Variants in TUT4 observed in about 807,000 individuals in gnomAD.
The protein encoded by TUT4 is terminal uridylyltransferase 4.
A neutral mutation model predicts 192.2 loss-of-function variants in TUT4; 36 were observed. That is an observed-to-expected ratio of 0.19 (90% CI 0.14 to 0.25). The LOEUF (loss-of-function observed/expected upper bound fraction) is 0.25. Ranked by LOEUF, TUT4 falls within the 10% of genes least tolerant of loss-of-function variation. TUT4 has a pLI of 1.00. For missense variants in TUT4, 1,493 were observed against 1,957.2 expected, an observed-to-expected ratio of 0.76 and a Z score of 4.47; for synonymous variants, 618 against 666.0, an observed-to-expected ratio of 0.93 and a Z score of 1.11.
intron 28 of TUT4, among the ~76,000 whole-genome samples, chr1:52,428,266 T>C (rs2148075027): frequency 6.6e-6 from 1 of 152,286 alleles, no homozygotes; most frequent in East Asian, 1.9e-4. Flanking sequence ...GGCAGGCGGA[T>C]CATGAGGTCA....
chr1:52,509,693 T>C lies in TUT4; in HGVS notation c.902A>G (p.Asn301Ser), dbSNP rs1313365797. ...GCAAAGTTTGCATAGATACCGACAA[T>C]TGGTATATTCTGGTGATCGCTGAAG... ...RLEKRSPEYT[N>S]CRYLCKLCLI... The change falls in exon 4 of 30, where the codon AAT becomes AGT. Residue 301 changes from asparagine (N) to serine (S), a missense_variant. Coordinates refer to ENST00000257177, the MANE Select transcript of TUT4 (RefSeq NM_001009881.3). 6.2e-6 allele frequency: 10 copies of C among 1,609,848 alleles called. No homozygotes were observed. Among genetic ancestry groups the C allele is most frequent in the Admixed American group, 1.7e-5 (1 of 59,910 alleles).
Position 52,474,998 on chromosome 1 carries a change from G to A in TUT4, c.2561C>T (p.Ser854Leu), listed in dbSNP as rs556556161. 1 of 1,614,116 alleles carries A rather than the reference G, an allele frequency of 6.2e-7. No individual in the cohort carries two copies. The highest frequency in any genetic ancestry group is 1.3e-5 in the African/African-American group (1 of 75,038). Residue 854 changes from serine to leucine, a missense_variant, in exon 13 of 30, where the codon TCA (serine) becomes TTA (leucine). Physicochemically the swap from Ser to Leu is moderately radical, Grantham distance 145. Transcript: ENST00000257177. ...PDKSTGTDCR[S>L]NLETESSHQS... Reference sequence around the variant, plus strand: ...ATGTGAACTCTCTGTTTCTAAATTTGACCTGCAGTCTGTTCCAGTAGATTT... The same window carrying A: ...ATGTGAACTCTCTGTTTCTAAATTTAACCTGCAGTCTGTTCCAGTAGATTT...
chr1:52,542,764 TA>T (rs199754216), intron 1 of TUT4, among the ~76,000 whole-genome samples: 1,690 of 146,642 alleles, frequency 0.012, 34 homozygotes, highest in African/African-American at 0.041. Flanking sequence ...TTTATTTATT[TA>T]TTTATTTTTT....
At chr1:52,539,509 G>A (rs903455290) in intron 1 of TUT4, among the ~76,000 whole-genome samples, 2 of 152,060 alleles carry the variant, frequency 1.3e-5, no homozygotes, top group African/African-American at 2.4e-5. Flanking sequence ...AAACAGGTAT[G>A]GGGGGGAAAG....
intron 20 of TUT4, among the ~76,000 whole-genome samples, chr1:52,448,002 A>C (rs1658089512): frequency 6.6e-6 from 1 of 152,234 alleles, no homozygotes; most frequent in Admixed American, 6.5e-5. Flanking sequence ...GTGATTTATA[A>C]AATTAACTAC....
intron 7 of TUT4, among the ~76,000 whole-genome samples, chr1:52,491,635 C>T (rs765202665): frequency 1.3e-5 from 2 of 152,030 alleles, no homozygotes; most frequent in Non-Finnish European, 2.9e-5. Flanking sequence ...TGAAGTGAGC[C>T]GAGATCGTGC....
intron 1 of TUT4, among the ~76,000 whole-genome samples, chr1:52,536,448 G>A (rs868824785): frequency 6.6e-5 from 10 of 152,288 alleles, no homozygotes; most frequent in Middle Eastern, 3.4e-3. Context: ...GGCAGCATTA[G>A]AGGAACAAAA....
rs749213533 is a variant in TUT4, at chr1:52,472,094, C to T, written c.2736G>A (p.Thr912=). The change falls in exon 14 of 30, where the codon ACG becomes ACA. Residue 912 remains threonine, a synonymous_variant. Coordinates refer to ENST00000257177, the MANE Select transcript of TUT4 (RefSeq NM_001009881.3). The stretch of plus-strand genomic sequence containing the variant: ...CCTTTTTGCAGATGCTGCATACTAT[C>T]GTTGGTGGCTACACAAAGATAAAAA... The part of the protein sequence containing the change: ...KFILTSGKPP[T]IVCSICKKDG... 5.6e-6 allele frequency: 9 copies of T among 1,613,088 alleles called. No individual in the cohort carries two copies. Among genetic ancestry groups the T allele is most frequent in the South Asian group, 2.2e-5 (2 of 90,830 alleles).
rs536499116 is a variant in TUT4, at chr1:52,520,456, A to G, written c.719-4402T>C. On this transcript the variant is annotated intron_variant, in intron 2 of 29. Coordinates refer to ENST00000257177, the MANE Select transcript of TUT4 (RefSeq NM_001009881.3). ...TATCTTGACCAGCAGCATCAGCATC[A>G]CTTGGGAGCTTATTAGAAATCCAAT... is the stretch of plus-strand genomic sequence containing the variant. Among the ~76,000 whole-genome samples the G allele has an allele frequency of 2.0e-5, 3 of 152,356 alleles. No individual in the cohort carries two copies. The East Asian group carries it at 5.8e-4, about 29-fold the overall frequency.
chr1:52,504,048 A>G (rs1181993709), intron 4 of TUT4, among the ~76,000 whole-genome samples: 1 of 152,206 alleles, frequency 6.6e-6, no homozygotes, highest in East Asian at 1.9e-4. Flanking sequence ...AAGTGTCTCA[A>G]ACTCAGAATG....
chr1:52,442,803 A>C (rs187398969), intron 24 of TUT4, among the ~76,000 whole-genome samples: 2 of 152,334 alleles, frequency 1.3e-5, no homozygotes, highest in East Asian at 3.9e-4. Flanking sequence ...GAATAAAATA[A>C]ATCAAAAAAT....
intron 24 of TUT4, among the ~76,000 whole-genome samples, chr1:52,443,294 T>TTA (rs1656269332): frequency 2.1e-5 from 2 of 96,062 alleles, no homozygotes; most frequent in Admixed American, 2.3e-4. Flanking sequence ...AAAAAAAAAA[T>TTA]TAAAAAAAAA....
chr1:52,509,492 T>C, intron 4 of TUT4, 104 bp downstream of exon 4: 1 of 739,042 alleles, frequency 1.4e-6, no homozygotes, highest in East Asian at 2.8e-5. Context: ...GTTACCAATA[T>C]AAGATTGGAC....
Position 52,488,372 on chromosome 1 carries a change from C to A in TUT4, c.1515+537G>T, listed in dbSNP as rs530477817. ...GATAATTAACTACTACTCCCTATCCCCACATCAAAGAAATAAACACAGGGC... is the reference window on the plus strand; with the variant it reads ...GATAATTAACTACTACTCCCTATCCACACATCAAAGAAATAAACACAGGGC... On this transcript the variant is annotated intron_variant, in intron 9 of 29. Transcript: ENST00000257177. Among the ~76,000 whole-genome samples the A allele has an allele frequency of 9.3e-4, 142 of 152,248 alleles. 6 individuals are homozygous for A. The South Asian group carries it at 0.028, about 30-fold the overall frequency.
chr1:52,542,847 C>T (rs371533390), intron 1 of TUT4, among the ~76,000 whole-genome samples: 1 of 151,958 alleles, frequency 6.6e-6, no homozygotes, highest in African/African-American at 2.4e-5. Context: ...CCGCAACCTC[C>T]GCCTCCCAGG....
At chr1:52,457,331 G>A (rs1483231799) in intron 20 of TUT4, among the ~76,000 whole-genome samples, 3 of 151,700 alleles carry the variant, frequency 2.0e-5, no homozygotes, top group Non-Finnish European at 4.4e-5. Flanking sequence ...TGCCTCCCGG[G>A]TTCAAGCAAT....
chr1:52,452,972 G>C (rs539035033), intron 20 of TUT4, among the ~76,000 whole-genome samples: 1 of 152,188 alleles, frequency 6.6e-6, no homozygotes, highest in Non-Finnish European at 1.5e-5. Context: ...TTGAATTGGA[G>C]GACACCATGG....
intron 8 of TUT4, 114 bp from the exon 9 acceptor site, chr1:52,489,149 A>G (rs1300869306): frequency 4.8e-6 from 5 of 1,048,774 alleles, no homozygotes; most frequent in Non-Finnish European, 2.5e-6. Flanking sequence ...GTACCGTAAA[A>G]GCCCTAATAA....
chr1:52,474,822 T>C lies in TUT4; in HGVS notation c.2727+10A>G, dbSNP rs766797913. 10 of 1,567,726 alleles carry C rather than the reference T, an allele frequency of 6.4e-6. No homozygotes were observed. In the East Asian group the frequency reaches 2.3e-4, roughly 35 times the overall value. Reference sequence around the variant, plus strand: ...AAAATCTTACAGATCATTTACAAACTGTATCCTACCTTGCCAGAGGTTAAA... The same window carrying C: ...AAAATCTTACAGATCATTTACAAACCGTATCCTACCTTGCCAGAGGTTAAA... On this transcript the variant is annotated intron_variant, in intron 13 of 29. Transcript: ENST00000257177.
Sources: gnomAD v4.1 joint callset for allele counts (sites outside exome capture counted in the v4.1 genomes callset) on GRCh38, gnomAD v4.1.1 for gene constraint, MANE v1.5 for transcripts, NCBI Gene and HGNC (gene_info 2026-07-23, HGNC 2026-07-21) for gene names.